Variants in ABCC1 observed in about 807,000 individuals in gnomAD.
ABCC1 encodes ATP binding cassette subfamily C member 1 (ABCC1 blood group).
ABCC1 carries 83 observed loss-of-function variants against 172.9 expected under a neutral mutation model. The ratio of observed to expected loss-of-function variants is 0.48; its 90% confidence interval spans 0.40 to 0.58. The LOEUF is 0.58. Among genes scored for constraint, ABCC1 ranks in the 20% least tolerant of loss-of-function variants. ABCC1 has a pLI of 0.00. For synonymous variants in ABCC1, 937 were observed against 825.2 expected, an observed-to-expected ratio of 1.14 and a Z score of -2.32; for missense variants, 1,817 against 2,002.7, an observed-to-expected ratio of 0.91 and a Z score of 1.77.
intron 1 of ABCC1, among the ~76,000 whole-genome samples, chr16:15,983,971 C>T (rs1022844618): frequency 8.5e-5 from 13 of 152,182 alleles, no homozygotes; most frequent in South Asian, 2.1e-4. Flanking sequence ...TGGGCCTTTT[C>T]CCTTGTTTTC....
chr16:16,098,064 G>C (rs2051560555), intron 19 of ABCC1: 1 of 152,298 alleles, frequency 6.6e-6, no homozygotes, highest in Admixed American at 6.5e-5. Context: ...AGCCTGGGAG[G>C]GTCCAGGGTG....
chr16:16,093,979 C>CTTTTTTTTTTT (rs578261751), intron 19 of ABCC1, among the ~76,000 whole-genome samples: 3 of 106,656 alleles, frequency 2.8e-5, no homozygotes, highest in African/African-American at 1.2e-4. Flanking sequence ...TCCCTCTCTC[C>CTTTTTTTTTTT]TTTTTTTTTT....
At chr16:16,077,114 G>A (rs1292834861) in intron 15 of ABCC1, among the ~76,000 whole-genome samples, 1 of 152,152 alleles carries the variant, frequency 6.6e-6, no homozygotes, top group Non-Finnish European at 1.5e-5. Flanking sequence ...AACTTGTCAA[G>A]CACCTCTCAT....
chr16:16,095,987 G>A (rs987245503), intron 19 of ABCC1, among the ~76,000 whole-genome samples: 16 of 152,112 alleles, frequency 1.1e-4, no homozygotes, highest in African/African-American at 3.9e-4. Context: ...CAAAGAATCA[G>A]GAAAAAAGGT....
chr16:16,127,246 C>T (rs1291461150), intron 26 of ABCC1, among the ~76,000 whole-genome samples: 3 of 152,126 alleles, frequency 2.0e-5, no homozygotes, highest in African/African-American at 7.2e-5. Flanking sequence ...TTTTGAGACA[C>T]GGTCTCACTC....
chr16:16,027,828 G>A (rs1006064818), intron 5 of ABCC1, among the ~76,000 whole-genome samples: 1 of 152,036 alleles, frequency 6.6e-6, no homozygotes, highest in East Asian at 1.9e-4. Flanking sequence ...TATATTTAAG[G>A]TGTACAGTTT....
intron 1 of ABCC1, among the ~76,000 whole-genome samples, chr16:15,982,514 A>G (rs2046644878): frequency 6.6e-6 from 1 of 151,940 alleles, no homozygotes; most frequent in Non-Finnish European, 1.5e-5. Flanking sequence ...CAAGAACAGC[A>G]TGGAGGTAAC....
intron 24 of ABCC1, 45 bp from the exon 25 acceptor site, chr16:16,124,744 G>T (rs1477012922): frequency 5.0e-6 from 8 of 1,613,080 alleles, no homozygotes; most frequent in Non-Finnish European, 6.8e-6. Flanking sequence ...AGTCTCTGTA[G>T]AGCTGACTCC....
chr16:16,012,072 G>C (rs753759566), intron 3 of ABCC1, among the ~76,000 whole-genome samples: 6 of 152,142 alleles, frequency 3.9e-5, no homozygotes, highest in Non-Finnish European at 8.8e-5. Context: ...AAAGTGCTAG[G>C]ATTATAGGTG....
chr16:15,959,480 C>T (rs2046079431), intron 1 of ABCC1, among the ~76,000 whole-genome samples: 1 of 152,154 alleles, frequency 6.6e-6, no homozygotes, highest in Admixed American at 6.6e-5. Flanking sequence ...TGCACACCAC[C>T]ATACCCGGCT....
chr16:16,001,721 C>G (rs1003411022), intron 1 of ABCC1, among the ~76,000 whole-genome samples: 4 of 152,192 alleles, frequency 2.6e-5, no homozygotes, highest in African/African-American at 9.7e-5. Flanking sequence ...ATATTTTTCA[C>G]TTCAGATTGG....
At chr16:16,065,173 G>C (rs186717066) in intron 12 of ABCC1, among the ~76,000 whole-genome samples, 2 of 152,246 alleles carry the variant, frequency 1.3e-5, no homozygotes, top group East Asian at 3.9e-4. Context: ...TACAGGGAAG[G>C]GACTTTACAA....
chr16:16,116,911 C>T (rs1485629983), intron 23 of ABCC1, among the ~76,000 whole-genome samples: 19 of 152,106 alleles, frequency 1.2e-4, no homozygotes, highest in Admixed American at 1.2e-3. Flanking sequence ...CACTGCAGTA[C>T]AATGGCCGTC....
intron 1 of ABCC1, among the ~76,000 whole-genome samples, chr16:16,004,736 C>T (rs1426815146): frequency 6.7e-6 from 1 of 149,202 alleles, no homozygotes; most frequent in Non-Finnish European, 1.5e-5. Context: ...CTCACTGCAA[C>T]CTTTGCCTCC....
chr16:16,021,851 G>C (rs941357305), intron 5 of ABCC1, among the ~76,000 whole-genome samples: 1 of 152,132 alleles, frequency 6.6e-6, no homozygotes, highest in Non-Finnish European at 1.5e-5. Context: ...CTTTGGGCTC[G>C]GTGCTCTTCC....
chr16:15,995,327 T>C (rs994861267), intron 1 of ABCC1, among the ~76,000 whole-genome samples: 3 of 152,206 alleles, frequency 2.0e-5, no homozygotes, highest in African/African-American at 7.2e-5. Context: ...TCCCTCTTAC[T>C]CTTTCTATAG....
At chr16:16,131,231 A>G (rs1596550548) in intron 26 of ABCC1, among the ~76,000 whole-genome samples, 1 of 152,226 alleles carries the variant, frequency 6.6e-6, no homozygotes, top group African/African-American at 2.4e-5. Context: ...ACTATGGTCC[A>G]TTGAGCCATT....
At chr16:16,067,005 C>G (rs1324515922) in intron 12 of ABCC1, among the ~76,000 whole-genome samples, 1 of 151,818 alleles carries the variant, frequency 6.6e-6, no homozygotes, top group Non-Finnish European at 1.5e-5. Flanking sequence ...AATCCCAGCA[C>G]TTTAGGTGGC....
Position 16,061,022 on chromosome 16 carries a change from T to C in ABCC1, c.1677+4727T>C, listed in dbSNP as rs191957743. 1.1e-3 allele frequency among the ~76,000 whole-genome samples: 165 copies of C among 152,064 alleles called. 6 individuals are homozygous for C. The highest frequency in any genetic ancestry group is 2.2e-4 in the Non-Finnish European group (15 of 67,954). On this transcript the variant is annotated intron_variant, in intron 12 of 30. Transcript: ENST00000399410. ...AGTAGAGACGGGGTTTCACCAGGGT[T>C]CAAGCAATTCTCCTGCCTCAGCGTC...
Sources: allele counts gnomAD v4.1 joint callset (sites outside exome capture counted in the v4.1 genomes callset), GRCh38; gene constraint gnomAD v4.1.1; transcripts MANE v1.5; gene names NCBI Gene and HGNC (gene_info 2026-07-23, HGNC 2026-07-21).